Variants in FAM171A1 observed in about 807,000 individuals in gnomAD.
FAM171A1 encodes family with sequence similarity 171 member A1, also known as protein FAM171A1.
In FAM171A1, 23 loss-of-function variants were observed where a neutral mutation model predicts 74.9. The ratio of observed to expected loss-of-function variants is 0.31; its 90% CI spans 0.22 to 0.44. The LOEUF is 0.44. Among genes scored for constraint, FAM171A1 ranks in the 20% least tolerant of loss-of-function variants. The pLI, the probability that FAM171A1 is intolerant of heterozygous loss-of-function variation, is 1.00. For synonymous variants in FAM171A1, 527 were observed against 505.7 expected (o/e 1.04, Z -0.57); for missense variants, 1,162 against 1,159.2 (o/e 1.00, Z -0.03).
intron 6 of FAM171A1, among the ~76,000 whole-genome samples, chr10:15,219,871 C>T (rs988128666): frequency 1.3e-5 from 2 of 152,158 alleles, no homozygotes; most frequent in African/African-American, 2.4e-5. Flanking sequence ...TGAGCCACCG[C>T]GCCCGGCTAA....
chr10:15,364,290 G>A (rs1034643432), intron 1 of FAM171A1, among the ~76,000 whole-genome samples: 1 of 152,078 alleles, frequency 6.6e-6, no homozygotes, highest in Non-Finnish European at 1.5e-5. Flanking sequence ...CACACTCAAT[G>A]GACCCGAACA....
intron 2 of FAM171A1, among the ~76,000 whole-genome samples, chr10:15,281,558 C>A (rs1190528586): frequency 6.6e-6 from 1 of 152,296 alleles, no homozygotes; most frequent in East Asian, 1.9e-4. Context: ...TGACTTGACT[C>A]ATTTGTAATA....
chr10:15,303,878 G>T (rs1467935258), intron 1 of FAM171A1, among the ~76,000 whole-genome samples: 7 of 152,194 alleles, frequency 4.6e-5, no homozygotes, highest in African/African-American at 9.7e-5. Context: ...GGGCAGAAAA[G>T]TTCACGTATG....
rs549358776 is a variant in FAM171A1, at chr10:15,212,137, A to G, written c.*778T>C. On this transcript the variant is annotated 3_prime_UTR_variant, in exon 8 of 8. Coordinates refer to ENST00000378116, the MANE Select transcript of FAM171A1 (RefSeq NM_001010924.2). Reference sequence around the variant, plus strand: ...GTTAAGAAAACCAACAACAACAAAAAGCGAGGGACTGTCTGTTGTCACTGT... The same window carrying G: ...GTTAAGAAAACCAACAACAACAAAAGGCGAGGGACTGTCTGTTGTCACTGT... 1 of 152,788 alleles carries G rather than the reference A, an allele frequency of 6.5e-6. No homozygotes were observed. Among genetic ancestry groups the G allele is most frequent in the Admixed American group, 6.5e-5 (1 of 15,294 alleles). The allele number at this position is 152,788 out of a possible 1,614,324, so 9.5% of individuals were successfully genotyped here.
intron 1 of FAM171A1, among the ~76,000 whole-genome samples, chr10:15,368,509 A>T (rs543067032): frequency 6.6e-6 from 1 of 152,354 alleles, no homozygotes; most frequent in East Asian, 1.9e-4. Context: ...TTCAAACAAC[A>T]GATTCTACAT....
At chr10:15,266,305 C>G (rs901033792) in intron 3 of FAM171A1, among the ~76,000 whole-genome samples, 1 of 152,160 alleles carries the variant, frequency 6.6e-6, no homozygotes, top group Admixed American at 6.5e-5. Flanking sequence ...GGACTGGTTA[C>G]CCCCAAGCTG....
At chr10:15,264,884 A>C (rs998601369) in intron 3 of FAM171A1, among the ~76,000 whole-genome samples, 7 of 151,736 alleles carry the variant, frequency 4.6e-5, no homozygotes, top group Non-Finnish European at 7.4e-5. Flanking sequence ...CATGGTAGTA[A>C]GGACCACCTT....
chr10:15,228,097 G>C (rs1370715827), intron 5 of FAM171A1, among the ~76,000 whole-genome samples: 3 of 152,098 alleles, frequency 2.0e-5, no homozygotes, highest in Non-Finnish European at 4.4e-5. Context: ...TGTCTAATTT[G>C]AATATGGCCT....
intron 1 of FAM171A1, among the ~76,000 whole-genome samples, chr10:15,287,390 C>CA (rs1835049972): frequency 7.1e-6 from 1 of 140,758 alleles, no homozygotes; most frequent in Non-Finnish European, 1.6e-5. Context: ...CCGCGCCGGC[C>CA]TCTTTTTTTT....
At chr10:15,313,985 G>C (rs1045797423) in intron 1 of FAM171A1, among the ~76,000 whole-genome samples, 2 of 152,180 alleles carry the variant, frequency 1.3e-5, no homozygotes, top group Non-Finnish European at 2.9e-5. Flanking sequence ...GCAACGACGG[G>C]ATCTGGCCTC....
chr10:15,239,157 A>G (rs1324650465), intron 5 of FAM171A1, among the ~76,000 whole-genome samples: 2 of 152,162 alleles, frequency 1.3e-5, no homozygotes, highest in African/African-American at 4.8e-5. Context: ...TGACATAATC[A>G]TCTCTTACTG....
intron 5 of FAM171A1, 126 bp downstream of exon 5, chr10:15,248,513 A>G: frequency 4.0e-6 from 4 of 996,460 alleles, no homozygotes; most frequent in East Asian, 2.7e-5. Context: ...AAACCACACA[A>G]TGCAATGTGA....
chr10:15,240,936 C>G (rs1834356441), intron 5 of FAM171A1: 1 of 154,564 alleles, frequency 6.5e-6, no homozygotes, highest in Admixed American at 6.6e-5. Context: ...ACCAGCTACT[C>G]AGGAAGCTGA....
chr10:15,247,115 C>T (rs1834444545), intron 5 of FAM171A1, among the ~76,000 whole-genome samples: 1 of 152,182 alleles, frequency 6.6e-6, no homozygotes, highest in African/African-American at 2.4e-5. Context: ...AGAATAGTAA[C>T]ATTTTTTTCT....
intron 1 of FAM171A1, among the ~76,000 whole-genome samples, chr10:15,364,292 A>T (rs1564292064): frequency 6.6e-6 from 1 of 151,990 alleles, no homozygotes; most frequent in African/African-American, 2.4e-5. Flanking sequence ...CACTCAATGG[A>T]CCCGAACATA....
intron 3 of FAM171A1, among the ~76,000 whole-genome samples, chr10:15,268,617 G>A (rs1834779690): frequency 6.6e-6 from 1 of 152,070 alleles, no homozygotes. Flanking sequence ...GAGGGTCTGG[G>A]CTGGAGAGAC....
At chr10:15,246,688 A>G (rs917178420) in intron 5 of FAM171A1, among the ~76,000 whole-genome samples, 13 of 152,082 alleles carry the variant, frequency 8.5e-5, no homozygotes, top group African/African-American at 3.1e-4. Context: ...CAGCTGGCTA[A>G]TTTTTTGTAT....
intron 1 of FAM171A1, among the ~76,000 whole-genome samples, chr10:15,316,473 G>T (rs879064222): frequency 1.3e-5 from 2 of 152,218 alleles, no homozygotes; most frequent in East Asian, 1.9e-4. Flanking sequence ...ATTCCTCGGG[G>T]TGAGTCCATG....
In FAM171A1 at chr10:15,264,984, G is replaced by A. The variant is rs76638210; in HGVS notation, c.419-10105C>T. ...ATCATTGCCATGCCTCAATACGACC[G>A]AGACAAGGAATCATACAATTAAACA... On this transcript the variant is annotated intron_variant, in intron 3 of 7. Coordinates refer to ENST00000378116, the MANE Select transcript of FAM171A1 (RefSeq NM_001010924.2). Among the ~76,000 whole-genome samples, 686 of 152,032 alleles carry A rather than the reference G, an allele frequency of 4.5e-3. 3 individuals are homozygous for A. Among genetic ancestry groups the A allele is most frequent in the African/African-American group, 0.014 (588 of 41,446 alleles).
Sources: gnomAD v4.1 joint callset for allele counts (sites outside exome capture counted in the v4.1 genomes callset) on GRCh38, gnomAD v4.1.1 for gene constraint, MANE v1.5 for transcripts, NCBI Gene and HGNC (gene_info 2026-07-23, HGNC 2026-07-21) for gene names.